The following TXNDC11 variants were observed in gnomAD, a reference collection of about 807,000 sequenced individuals.
TXNDC11 encodes thioredoxin domain containing 11, also known as thioredoxin domain-containing protein 11.
A neutral mutation model predicts 78.0 loss-of-function variants in TXNDC11; 68 were observed. That is an observed-to-expected ratio of 0.87 (90% CI 0.72 to 1.07). The LOEUF is 1.07. Ranked by LOEUF, TXNDC11 falls within the 50% of genes least tolerant of loss-of-function variation. TXNDC11 has a pLI of 0.00. For missense variants in TXNDC11, 1,389 were observed against 1,221.8 expected (o/e 1.14, Z -2.04); for synonymous variants, 571 against 495.2 (o/e 1.15, Z -2.03).
intron 9 of TXNDC11, 111 bp downstream of exon 9, chr16:11,688,192 C>T (rs566195901): frequency 5.2e-5 from 63 of 1,213,642 alleles, no homozygotes; most frequent in African/African-American, 2.3e-4. Flanking sequence ...TGGGCCATCA[C>T]GTGGTTACTC....
chr16:11,732,150 T>C (rs2052074962), intron 3 of TXNDC11, among the ~76,000 whole-genome samples: 1 of 152,176 alleles, frequency 6.6e-6, no homozygotes, highest in African/African-American at 2.4e-5. Context: ...AATAAGAAGG[T>C]TGGACACATT....
intron 1 of TXNDC11, among the ~76,000 whole-genome samples, chr16:11,740,268 T>C (rs1342429752): frequency 6.6e-6 from 1 of 151,992 alleles, no homozygotes; most frequent in Non-Finnish European, 1.5e-5. Context: ...CAATAAACAG[T>C]ATCATGACAC....
rs376827908 is a variant in TXNDC11, at chr16:11,692,028, G to A, written c.1162C>T (p.Arg388Cys). ...ACCCGCCGCAGGTGCTGAAGGAGAC[G>A]CTCCACCACCTGGTCCCCATGACAG... Reference protein sequence around the residue: ...NNCHGDQVVERLLQHLRRVDA... With the variant: ...NNCHGDQVVECLLQHLRRVDA... Residue 388 changes from arginine to cysteine, a missense_variant, in exon 8 of 12, where the codon CGT becomes TGT. Physicochemically the swap from Arg to Cys is radical, Grantham distance 180. Coordinates refer to ENST00000283033, the MANE Select transcript of TXNDC11 (RefSeq NM_015914.7). The A allele has an allele frequency of 7.6e-5, 119 of 1,555,948 alleles. No individual in the cohort carries two copies. The highest frequency in any genetic ancestry group is 9.4e-5 in the Non-Finnish European group (108 of 1,150,820).
At chr16:11,723,269 GAAAAAAAAGAAA>G (rs1213756578) in intron 4 of TXNDC11, among the ~76,000 whole-genome samples, 13 of 142,308 alleles carry the variant, frequency 9.1e-5, no homozygotes, top group African/African-American at 3.2e-4. Flanking sequence ...CAAAAAAAAA[GAAAAAAAAGAAA>G]AAAAAAAAGA....
chr16:11,707,454 A>T (rs866265193), intron 5 of TXNDC11, among the ~76,000 whole-genome samples: 127 of 148,820 alleles, frequency 8.5e-4, no homozygotes, highest in African/African-American at 2.9e-3. Context: ...ATTTTTCCCA[A>T]TTTTTTTTTT....
intron 7 of TXNDC11, 152 bp downstream of exon 7, chr16:11,697,973 A>T: frequency 1.4e-6 from 1 of 719,100 alleles, no homozygotes; most frequent in South Asian, 1.7e-5. Flanking sequence ...TCCTGCCCAT[A>T]TGGAGGGGCA....
chr16:11,709,170 A>G (rs2051265207), intron 5 of TXNDC11, among the ~76,000 whole-genome samples: 1 of 152,116 alleles, frequency 6.6e-6, no homozygotes, highest in African/African-American at 2.4e-5. Context: ...AATTATTTAG[A>G]AAAAAAATCT....
intron 10 of TXNDC11, among the ~76,000 whole-genome samples, chr16:11,686,655 AATG>A (rs1216748606): frequency 6.6e-6 from 1 of 152,238 alleles, no homozygotes; most frequent in Non-Finnish European, 1.5e-5. Context: ...TAATATGTTA[AATG>A]ATACTTTGTT....
chr16:11,681,655 C>T (rs1392687081), intron 11 of TXNDC11, among the ~76,000 whole-genome samples: 2 of 152,166 alleles, frequency 1.3e-5, no homozygotes, highest in East Asian at 3.9e-4. Flanking sequence ...TCTTGGTGGA[C>T]AGGAGCACCC....
intron 3 of TXNDC11, among the ~76,000 whole-genome samples, chr16:11,733,117 C>T (rs1026485614): frequency 2.0e-5 from 3 of 151,958 alleles, no homozygotes; most frequent in Admixed American, 1.3e-4. Flanking sequence ...ATTAGCCGGG[C>T]GTGGTGGCAG....
intron 1 of TXNDC11, among the ~76,000 whole-genome samples, chr16:11,739,820 G>T (rs2052338758): frequency 6.6e-6 from 1 of 151,854 alleles, no homozygotes; most frequent in Non-Finnish European, 1.5e-5. Context: ...TAGCTGGTTT[G>T]AATTCAGCCA....
intron 4 of TXNDC11, among the ~76,000 whole-genome samples, chr16:11,723,259 C>CA (rs1419918319): frequency 1.5e-4 from 21 of 135,540 alleles, no homozygotes; most frequent in African/African-American, 5.0e-4. Context: ...GAGTCCATCT[C>CA]AAAAAAAAAG....
In TXNDC11 at chr16:11,702,029, A is replaced by G. The variant is rs564347715; in HGVS notation, c.794-1465T>C. 2.8e-3 allele frequency among the ~76,000 whole-genome samples: 427 copies of G among 151,938 alleles called. 3 individuals are homozygous for G. The highest frequency in any genetic ancestry group is 9.8e-3 in the African/African-American group (405 of 41,462). ...TAGACTTTTGATGTTAACAAAAAAA[A>G]AAAAAGAACTCACACTTATAAAAGT... is the stretch of plus-strand genomic sequence containing the variant. On this transcript the variant is annotated intron_variant, in intron 5 of 11. Coordinates refer to ENST00000283033, the MANE Select transcript of TXNDC11 (RefSeq NM_015914.7).
At chr16:11,693,760 T>C (rs2050782095) in intron 7 of TXNDC11, among the ~76,000 whole-genome samples, 1 of 152,196 alleles carries the variant, frequency 6.6e-6, no homozygotes, top group Admixed American at 6.5e-5. Flanking sequence ...CAGTGGTTTT[T>C]GGATGAGGCT....
chr16:11,720,030 T>C (rs537454161), intron 5 of TXNDC11, among the ~76,000 whole-genome samples: 1 of 152,086 alleles, frequency 6.6e-6, no homozygotes, highest in Admixed American at 6.5e-5. Context: ...CTGGTCCAGG[T>C]GTGGGTGAAG....
rs777496513 is a variant in TXNDC11, at chr16:11,687,864, C to T, written c.2146G>A (p.Val716Met). Residue 716 changes from valine to methionine, a missense_variant, in exon 10 of 12, where the codon GTG (valine) becomes ATG (methionine). By Grantham distance (21) the Val-to-Met change is conservative (BLOSUM62 1). Coordinates refer to ENST00000283033, the MANE Select transcript of TXNDC11 (RefSeq NM_015914.7). ...ARNLPMDTFT[V>M]ARIDVSQNDL... ...CAGAAGAGGCCTGCTTACCTTGCCA[C>T]AGTGAATGTGTCCATGGGCAGGTTC... 3.8e-5 allele frequency: 61 copies of T among 1,611,482 alleles called. No homozygotes were observed. The East Asian group carries it at 1.3e-3, about 35-fold the overall frequency.
At chr16:11,706,187 A>G (rs1431916818) in intron 5 of TXNDC11, among the ~76,000 whole-genome samples, 2 of 152,244 alleles carry the variant, frequency 1.3e-5, no homozygotes, top group African/African-American at 4.8e-5. Flanking sequence ...AACTGGTGTC[A>G]ATGATCACTG....
At chr16:11,689,764 C>T (rs887914117) in intron 8 of TXNDC11, among the ~76,000 whole-genome samples, 1 of 152,096 alleles carries the variant, frequency 6.6e-6, no homozygotes, top group African/African-American at 2.4e-5. Flanking sequence ...GGAACACTGA[C>T]CCCATTTCTC....
rs1221335178 is a variant in TXNDC11, at chr16:11,687,943, A to G, written c.2067T>C (p.Ala689=). The stretch of plus-strand genomic sequence containing the variant: ...GGGATGGACAGAAGCCGCACCACGG[A>G]GCGTAATAGAGCAGGAGAACGTCCT... ...QKQDVLLLYY[A]PWCGFCPSLN... The change falls in exon 10 of 12, where the codon GCT becomes GCC. Residue 689 remains alanine, a synonymous_variant. Transcript: ENST00000283033. The G allele has an allele frequency of 1.9e-6, 3 of 1,613,822 alleles. No homozygotes were observed. Among genetic ancestry groups the G allele is most frequent in the South Asian group, 1.1e-5 (1 of 91,044 alleles).
Sources: allele counts gnomAD v4.1 joint callset (sites outside exome capture counted in the v4.1 genomes callset), GRCh38; gene constraint gnomAD v4.1.1; transcripts MANE v1.5; gene names NCBI Gene and HGNC (gene_info 2026-07-23, HGNC 2026-07-21).